LSAMP: variants seen among roughly 807,000 people sequenced by gnomAD.
LSAMP encodes the protein limbic system associated membrane protein, also known as limbic system-associated membrane protein.
Under a neutral mutation model 38.6 loss-of-function variants are expected in LSAMP, and 7 were observed. The observed-to-expected ratio is 0.18, with a 90% CI of 0.10 to 0.34. The LOEUF is 0.34. LSAMP is among the 10% of genes least tolerant of loss of function. The pLI is 1.00. For missense variants in LSAMP, 313 were observed against 420.0 expected, an observed-to-expected ratio of 0.75 and a Z score of 2.23; for synonymous variants, 154 against 166.8, an observed-to-expected ratio of 0.92 and a Z score of 0.59.
At chr3:116,255,411 C>T (rs1453629181) in intron 1 of LSAMP, among the ~76,000 whole-genome samples, 1 of 152,122 alleles carries the variant, frequency 6.6e-6, no homozygotes, top group Non-Finnish European at 1.5e-5. Flanking sequence ...TTGGTTAGAG[C>T]AGACACAATG....
rs926443720 is a variant in LSAMP, at chr3:116,134,401, C to A, written c.156-47845G>T. Reference sequence around the variant, plus strand: ...AGAAATCAGACTGTGTGATCCCTATCCTCACCAGCTCCAAAAATCTTCTAG... The same window carrying A: ...AGAAATCAGACTGTGTGATCCCTATACTCACCAGCTCCAAAAATCTTCTAG... On this transcript the variant is annotated intron_variant, in intron 1 of 6. Coordinates refer to ENST00000490035, the MANE Select transcript of LSAMP (RefSeq NM_002338.5). 4.6e-5 allele frequency among the ~76,000 whole-genome samples: 7 copies of A among 152,206 alleles called. 1 individual carries two copies. The highest frequency in any genetic ancestry group is 2.6e-4 in the Admixed American group (4 of 15,278).
At chr3:116,190,140 A>G (rs1250647565) in intron 1 of LSAMP, among the ~76,000 whole-genome samples, 1 of 125,726 alleles carries the variant, frequency 8.0e-6, no homozygotes, top group Non-Finnish European at 1.7e-5. Flanking sequence ...TGCATTAAGA[A>G]ATCTCCACAG....
chr3:115,988,881 G>T (rs1461529060), intron 3 of LSAMP, among the ~76,000 whole-genome samples: 1 of 151,920 alleles, frequency 6.6e-6, no homozygotes, highest in African/African-American at 2.4e-5. Context: ...ATATTGTTAT[G>T]ACAGTCTTAA....
intron 2 of LSAMP, among the ~76,000 whole-genome samples, chr3:116,077,765 G>T (rs1433267790): frequency 6.6e-6 from 1 of 152,174 alleles, no homozygotes; most frequent in East Asian, 1.9e-4. Context: ...ATACCCAGTT[G>T]TCATTTCTCT....
chr3:116,212,649 C>T (rs1370966011), intron 1 of LSAMP, among the ~76,000 whole-genome samples: 1 of 151,880 alleles, frequency 6.6e-6, no homozygotes, highest in Non-Finnish European at 1.5e-5. Flanking sequence ...ATTTAATGAA[C>T]ATGTAACTAA....
chr3:115,986,808 G>C (rs1939522762), intron 3 of LSAMP, among the ~76,000 whole-genome samples: 1 of 152,114 alleles, frequency 6.6e-6, no homozygotes, highest in Admixed American at 6.6e-5. Context: ...GTGGAATTTT[G>C]GAATTGCTTT....
At chr3:116,423,283 T>G (rs2049153998) in intron 1 of LSAMP, among the ~76,000 whole-genome samples, 1 of 152,032 alleles carries the variant, frequency 6.6e-6, no homozygotes, top group African/African-American at 2.4e-5. Context: ...GTGGAATTCC[T>G]TCCTCAGATC....
chr3:115,972,820 A>C (rs965804089), intron 3 of LSAMP, among the ~76,000 whole-genome samples: 1 of 150,286 alleles, frequency 6.7e-6, no homozygotes, highest in Non-Finnish European at 1.5e-5. Flanking sequence ...GTGAGGATTT[A>C]GCATGACAAT....
chr3:115,904,530 C>T (rs1936961409), intron 3 of LSAMP, among the ~76,000 whole-genome samples: 1 of 152,078 alleles, frequency 6.6e-6, no homozygotes, highest in South Asian at 2.1e-4. Flanking sequence ...AGCAACCAAA[C>T]ACTTTACAAC....
At chr3:116,164,774 T>C (rs1348907741) in intron 1 of LSAMP, among the ~76,000 whole-genome samples, 37 of 139,378 alleles carry the variant, frequency 2.7e-4, no homozygotes, top group African/African-American at 9.5e-4. Flanking sequence ...TTTTTTTTTT[T>C]CAAGTAGCAT....
At chr3:116,385,493 G>A (rs1299582381) in intron 1 of LSAMP, among the ~76,000 whole-genome samples, 1 of 152,162 alleles carries the variant, frequency 6.6e-6, no homozygotes. Context: ...CAAGGGCCAA[G>A]TTGAATCTCA....
chr3:115,882,600 T>C (rs1335968239), intron 3 of LSAMP, among the ~76,000 whole-genome samples: 4 of 152,128 alleles, frequency 2.6e-5, no homozygotes, highest in Non-Finnish European at 5.9e-5. Context: ...TAAGAGAGTA[T>C]ACTATTTAAG....
At chr3:116,181,289 T>C (rs1475895338) in intron 1 of LSAMP, among the ~76,000 whole-genome samples, 1 of 152,010 alleles carries the variant, frequency 6.6e-6, no homozygotes, top group Non-Finnish European at 1.5e-5. Flanking sequence ...TGAGTCATTA[T>C]GTTTAAGCTT....
chr3:116,431,340 TA>T (rs956552946), intron 1 of LSAMP, among the ~76,000 whole-genome samples: 6 of 152,022 alleles, frequency 3.9e-5, no homozygotes, highest in African/African-American at 1.2e-4. Context: ...TTTGCTCATT[TA>T]AAAAAAATCT....
chr3:116,089,957 A>T (rs918476293), intron 1 of LSAMP, among the ~76,000 whole-genome samples: 4 of 152,202 alleles, frequency 2.6e-5, no homozygotes, highest in African/African-American at 9.6e-5. Flanking sequence ...AAAATGAGTA[A>T]AGGAATAATG....
At chr3:116,165,027 C>G (rs1658835007) in intron 1 of LSAMP, among the ~76,000 whole-genome samples, 1 of 152,118 alleles carries the variant, frequency 6.6e-6, no homozygotes. Context: ...CTCCAAGATA[C>G]TTGATGTAAA....
intron 2 of LSAMP, among the ~76,000 whole-genome samples, chr3:116,056,457 G>A (rs1235228605): frequency 3.3e-5 from 5 of 152,040 alleles, no homozygotes; most frequent in Non-Finnish European, 4.4e-5. Context: ...TATATGATTC[G>A]GACAGAGAAA....
At position 116,390,130 on chromosome 3, in the gene LSAMP, T is replaced by TACACAC. The variant is rs749911876; in HGVS notation, c.155+54746_155+54747insGTGTGT. On this transcript the variant is annotated intron_variant, in intron 1 of 6. Transcript: ENST00000490035. The stretch of plus-strand genomic sequence containing the variant: ...TACTTAAATTATATATGTATGTATG[T>TACACAC]ATACACACACACACACACACACACA... Among the ~76,000 whole-genome samples, 645 of 131,598 alleles carry TACACAC rather than the reference T, an allele frequency of 4.9e-3. 7 individuals carry two copies. Among genetic ancestry groups the TACACAC allele is most frequent in the South Asian group, 0.031 (140 of 4,470 alleles). The allele number at this position is 131,598 out of a possible 152,430, so 86.3% of individuals were successfully genotyped here. A position where few individuals can be genotyped will look rare whatever the true frequency, so the allele number is the denominator to read the frequency against.
At chr3:116,387,865 G>A (rs942880167) in intron 1 of LSAMP, among the ~76,000 whole-genome samples, 37 of 151,966 alleles carry the variant, frequency 2.4e-4, no homozygotes, top group African/African-American at 3.1e-4. Context: ...AGGCTGAGGC[G>A]GGTGGATCAC....
Sources: allele counts gnomAD v4.1 joint callset (sites outside exome capture counted in the v4.1 genomes callset), GRCh38; gene constraint gnomAD v4.1.1; transcripts MANE v1.5; gene names NCBI Gene and HGNC (gene_info 2026-07-23, HGNC 2026-07-21).